KIF26A: variants seen among roughly 807,000 people sequenced by gnomAD.
The protein encoded by KIF26A is kinesin family member 26A.
In KIF26A, 74 loss-of-function variants were observed where a neutral mutation model predicts 126.0. That is an observed-to-expected ratio of 0.59 (90% confidence interval 0.49 to 0.71). The LOEUF (loss-of-function observed/expected upper bound fraction) is 0.71, where lower values mean the gene tolerates loss of function less well. Among genes scored for constraint, KIF26A ranks in the 30% least tolerant of loss-of-function variants. The pLI, the probability that KIF26A is intolerant of heterozygous loss-of-function variation, is 0.00. For missense variants in KIF26A, 2,984 were observed against 2,763.3 expected, an observed-to-expected ratio of 1.08 and a Z score of -1.79; for synonymous variants, 1,445 against 1,232.7, an observed-to-expected ratio of 1.17 and a Z score of -3.61.
At chr14:104,155,998 C>A (rs961953157) in intron 3 of KIF26A, among the ~76,000 whole-genome samples, 1 of 152,208 alleles carries the variant, frequency 6.6e-6, no homozygotes, top group African/African-American at 2.4e-5. Flanking sequence ...GGGCCTGGCC[C>A]AGGATGCCAA....
intron 4 of KIF26A, 130 bp from the exon 5 acceptor site, chr14:104,166,729 T>C: frequency 1.1e-6 from 1 of 880,308 alleles, no homozygotes; most frequent in Non-Finnish European, 1.7e-6. Context: ...CCCAGCCACA[T>C]TTTGGACTGG....
intron 4 of KIF26A, among the ~76,000 whole-genome samples, chr14:104,158,724 GA>G (rs547029317): frequency 6.6e-6 from 1 of 152,334 alleles, no homozygotes; most frequent in South Asian, 2.1e-4. Context: ...CAGGCAGAGG[GA>G]ACAGGAGAGC....
intron 4 of KIF26A, among the ~76,000 whole-genome samples, chr14:104,166,253 T>C (rs146059577): frequency 2.2e-4 from 33 of 152,238 alleles, no homozygotes; most frequent in Non-Finnish European, 4.6e-4. Flanking sequence ...CAAGGCAGCC[T>C]CACCTGGGGC....
intron 3 of KIF26A, among the ~76,000 whole-genome samples, chr14:104,154,985 A>G (rs1485435162): frequency 6.6e-6 from 1 of 152,048 alleles, no homozygotes; most frequent in African/African-American, 2.4e-5. Context: ...GCAGGGGCAG[A>G]TCTTTGAACT....
At chr14:104,170,345 T>C (rs2141112700) in intron 5 of KIF26A, among the ~76,000 whole-genome samples, 1 of 152,198 alleles carries the variant, frequency 6.6e-6, no homozygotes, top group Admixed American at 6.5e-5. Context: ...AGGTTCTGAG[T>C]AGTACAATAG....
chr14:104,174,538 A>G (rs1468298604), intron 11 of KIF26A, among the ~76,000 whole-genome samples: 1 of 152,118 alleles, frequency 6.6e-6, no homozygotes, highest in East Asian at 1.9e-4. Flanking sequence ...GGCTTGCTGT[A>G]TGTGGCTTGT....
intron 11 of KIF26A, 85 bp downstream of exon 11, chr14:104,174,395 G>A (rs1021408459): frequency 7.4e-6 from 10 of 1,353,348 alleles, no homozygotes; most frequent in Non-Finnish European, 9.7e-6. Flanking sequence ...TGGTTGGGGT[G>A]GGGGTCAGCA....
In KIF26A at chr14:104,175,959, C is replaced by T. The variant is rs774672139; in HGVS notation, c.3171C>T (p.Phe1057=). The T allele has an allele frequency of 1.2e-5, 19 of 1,569,402 alleles. No homozygotes were observed. Among genetic ancestry groups the T allele is most frequent in the South Asian group, 5.8e-5 (5 of 86,446 alleles). The part of the protein sequence containing the change: ...GAGRPTSLAS[F]DSDCSLRALA... ...GGCGGCCCACCAGCCTGGCTAGCTT[C>T]GACAGTGACTGCTCCCTGCGGGCCC... Residue 1057 remains phenylalanine, a synonymous_variant, in exon 12 of 15, where the codon TTC becomes TTT. Coordinates refer to ENST00000423312, the MANE Select transcript of KIF26A (RefSeq NM_015656.2).
intron 4 of KIF26A, among the ~76,000 whole-genome samples, chr14:104,165,625 A>T (rs996277483): frequency 7.7e-6 from 1 of 130,274 alleles, no homozygotes; most frequent in Non-Finnish European, 1.6e-5. Context: ...CTCTGTATGC[A>T]TGTGTGTGTC....
Position 104,171,759 on chromosome 14 carries a change from G to C in KIF26A, c.1150G>C (p.Ala384Pro). 1 of 1,580,778 alleles carries C rather than the reference G, an allele frequency of 6.3e-7. No homozygotes were observed. The highest frequency in any genetic ancestry group is 2.3e-5 in the East Asian group (1 of 43,010). ...GCTGCGGATCTGGCCCGCACAGGGG[G>C]CCCAGCGCTCGGCCGAGGCCATGTC... ...VMLRIWPAQG[A>P]QRSAEAMSFL... The change falls in exon 6 of 15, where the codon GCC becomes CCC. Residue 384 changes from alanine to proline, a missense_variant. Ala to Pro is a conservative substitution (Grantham distance 27). Transcript: ENST00000423312.
chr14:104,143,046 T>C (rs1458514211), intron 2 of KIF26A, among the ~76,000 whole-genome samples: 1 of 152,200 alleles, frequency 6.6e-6, no homozygotes, highest in Admixed American at 6.5e-5. Flanking sequence ...TCATGTGAGG[T>C]GTTGACTCCT....
At position 104,179,744 on chromosome 14, in the gene KIF26A, T is replaced by A. The variant is rs1227917046; in HGVS notation, c.5603T>A (p.Val1868Asp). 2 of 1,554,402 alleles carry A rather than the reference T, an allele frequency of 1.3e-6. No homozygotes were observed. The change falls in exon 15 of 15, where the codon GTT (valine) becomes GAT (aspartate). Residue 1868 changes from valine (V) to aspartate (D), a missense_variant. Coordinates refer to ENST00000423312, the MANE Select transcript of KIF26A (RefSeq NM_015656.2). ...VMMVTCFDISVAASAAIPGPQ... is the reference protein window; with the variant it reads ...VMMVTCFDISDAASAAIPGPQ... ...ATGGTCACCTGCTTCGACATCAGCG[T>A]TGCAGCCAGTGCTGCCATCCCGGGG...
At chr14:104,179,170 A>G in intron 13 of KIF26A, 66 bp from the exon 14 acceptor site, 1 of 1,399,560 alleles carries the variant, frequency 7.1e-7, no homozygotes, top group African/African-American at 1.5e-5. Flanking sequence ...GGGCCACATC[A>G]GGGCTGCTTG....
chr14:104,170,499 ATC>A (rs1394015315), intron 5 of KIF26A, among the ~76,000 whole-genome samples: 1 of 152,230 alleles, frequency 6.6e-6, no homozygotes, highest in Non-Finnish European at 1.5e-5. Flanking sequence ...GGCGTTATGT[ATC>A]TGTCACTTAC....
rs555499835 is a variant in KIF26A at position 104,155,697 on chromosome 14, C to T, written c.736-2058C>T. On this transcript the variant is annotated intron_variant, in intron 3 of 14. Transcript: ENST00000423312. ...GGCGGATGGGGCGGTGTCCCGGCAG[C>T]GCGTGGGACGGTGGAGCCGAGGCGC... Among the ~76,000 whole-genome samples the T allele has an allele frequency of 5.3e-5, 8 of 152,364 alleles. No individual in the cohort carries two copies. The South Asian group carries it at 1.2e-3, about 24-fold the overall frequency.
At chr14:104,166,710 T>C in intron 4 of KIF26A, 149 bp from the exon 5 acceptor site, 1 of 726,376 alleles carries the variant, frequency 1.4e-6, no homozygotes. Flanking sequence ...AGAAATGAAG[T>C]GCAGGCCTCC....
intron 4 of KIF26A, among the ~76,000 whole-genome samples, chr14:104,166,595 C>T (rs752208807): frequency 1.3e-5 from 2 of 152,172 alleles, no homozygotes; most frequent in Non-Finnish European, 2.9e-5. Context: ...GGGAGGGGCG[C>T]TCAGCCTGTG....
chr14:104,172,775 C>T, intron 7 of KIF26A, 107 bp downstream of exon 7: 1 of 1,102,566 alleles, frequency 9.1e-7, no homozygotes, highest in Middle Eastern at 2.0e-4. Flanking sequence ...TGGTCCTACA[C>T]ATGGGCCGTG....
intron 2 of KIF26A, among the ~76,000 whole-genome samples, chr14:104,149,796 C>T (rs2037710016): frequency 6.6e-6 from 1 of 152,184 alleles, no homozygotes; most frequent in African/African-American, 2.4e-5. Flanking sequence ...TTCCCAAGGC[C>T]TGAGGTCGCT....
Sources: allele counts gnomAD v4.1 joint callset (sites outside exome capture counted in the v4.1 genomes callset), GRCh38; gene constraint gnomAD v4.1.1; transcripts MANE v1.5; gene names NCBI Gene and HGNC (gene_info 2026-07-23, HGNC 2026-07-21).